Variants in PAK4 observed in about 807,000 individuals in gnomAD.
PAK4 encodes serine/threonine-protein kinase PAK 4.
PAK4 carries 49 observed loss-of-function variants against 53.5 expected under a neutral mutation model. The ratio of observed to expected loss-of-function variants is 0.92; its 90% CI spans 0.73 to 1.16. PAK4 has a LOEUF of 1.16. PAK4 is among the 50% of genes most tolerant of loss of function. PAK4 has a pLI of 0.00. For synonymous variants in PAK4, 376 were observed against 375.6 expected (o/e 1.00, Z -0.01); for missense variants, 824 against 850.7 (o/e 0.97, Z 0.39).
At chr19:39,133,062 G>A (rs1040107457) in intron 1 of PAK4, among the ~76,000 whole-genome samples, 9 of 152,196 alleles carry the variant, frequency 5.9e-5, no homozygotes, top group African/African-American at 9.7e-5. Flanking sequence ...CCTTGGCTCC[G>A]TTCTGGAGCT....
chr19:39,127,249 C>T (rs2073603519), intron 1 of PAK4, among the ~76,000 whole-genome samples: 1 of 151,970 alleles, frequency 6.6e-6, no homozygotes, highest in Non-Finnish European at 1.5e-5. Context: ...GTCACTCCCA[C>T]CTCACTTCTT....
chr19:39,173,297 G>C lies in PAK4; in HGVS notation c.584G>C (p.Ser195Thr), dbSNP rs765006110. 9 of 1,603,828 alleles carry C rather than the reference G, an allele frequency of 5.6e-6. No individual in the cohort carries two copies. The East Asian group carries it at 2.0e-4, about 36-fold the overall frequency. Residue 195 changes from serine (S) to threonine (T), a missense_variant, in exon 3 of 9, where the codon AGT becomes ACT. By Grantham distance (58) the Ser-to-Thr change is moderately conservative. Around this residue, in one of 2 missense-constraint regions of PAK4, gnomAD observed 478 missense variants for 435.8 expected, o/e 1.10. Transcript: ENST00000358301. This position sits in a 1 kb window ranked among gnomAD's most constrained non-coding sequence, Gnocchi z 6.9. ...ACCCCCCAGCCTGCTGGTCTGGCCAGTGGGGCGAAACTGGCAGCTGGCCGG... is the reference window on the plus strand; with the variant it reads ...ACCCCCCAGCCTGCTGGTCTGGCCACTGGGGCGAAACTGGCAGCTGGCCGG...
At chr19:39,144,638 A>G (rs1032266989) in intron 1 of PAK4, among the ~76,000 whole-genome samples, 1 of 152,186 alleles carries the variant, frequency 6.6e-6, no homozygotes, top group Non-Finnish European at 1.5e-5. Flanking sequence ...CTGTTGTGGC[A>G]TGAGTCCGAG....
chr19:39,174,858 G>C (rs756117611), intron 4 of PAK4, 73 bp from the exon 6 acceptor site: 3 of 1,575,184 alleles, frequency 1.9e-6, no homozygotes, highest in Non-Finnish European at 2.6e-6. Context: ...GGGAGCCAGG[G>C]GGGTGGCGGT....
At chr19:39,144,574 T>A in intron 1 of PAK4, among the ~76,000 whole-genome samples, 1 of 152,180 alleles carries the variant, frequency 6.6e-6, no homozygotes, top group East Asian at 1.9e-4. Flanking sequence ...AAGGGTTTCC[T>A]GGGGACTGGG....
rs2074547200 is a variant in PAK4 at position 39,173,977 on chromosome 19, C to G, written c.1065C>G (p.Arg355=). ...TGGCCGTCAAGAAGATGGACCTGCGCAAGCAGCAGAGGCGCGAGCTGCTCT... is the reference window on the plus strand; with the variant it reads ...TGGCCGTCAAGAAGATGGACCTGCGGAAGCAGCAGAGGCGCGAGCTGCTCT... Residue 355 remains arginine (R), a synonymous_variant, in exon 4 of 9, where the codon CGC becomes CGG. Transcript: ENST00000358301. The surrounding 1 kb of genome is among the most constrained non-coding windows in gnomAD (Gnocchi z 6.9). 1 of 1,607,620 alleles carries G rather than the reference C, an allele frequency of 6.2e-7. No individual in the cohort carries two copies. Among genetic ancestry groups the G allele is most frequent in the African/African-American group, 1.3e-5 (1 of 74,824 alleles).
In PAK4 at chr19:39,175,205, G is replaced by C; in HGVS notation, c.1233-107G>C. On this transcript the variant is annotated intron_variant, in intron 5 of 8. Transcript: ENST00000358301. The surrounding 1 kb of genome is among the most constrained non-coding windows in gnomAD (Gnocchi z 4.7). ...TCTTCCATTCCTCCCACTCCAGAGT[G>C]GGGTCGAGTGGTCTCAGATTCCTCC... 6.8e-7 allele frequency: 1 copy of C among 1,469,108 alleles called. No individual in the cohort carries two copies. The highest frequency in any genetic ancestry group is 9.2e-7 in the Non-Finnish European group (1 of 1,081,750). 91.0% of individuals were successfully genotyped at this position (1,469,108 alleles called of 1,614,324 possible).
chr19:39,181,866 TTACAGAGCCCC>T (rs2144912289), downstream of PAK4: 1 of 152,288 alleles, frequency 6.6e-6, no homozygotes, highest in South Asian at 2.1e-4. Context: ...GGAGGTGTGT[TTACAGAGCCCC>T]AAAATAAACA....
At chr19:39,169,480 A>T in intron 1 of PAK4, 52 bp from the exon 3 acceptor site, 2 of 1,290,774 alleles carry the variant, frequency 1.5e-6, no homozygotes, top group South Asian at 1.2e-5. Context: ...GGGGCAGAGG[A>T]GGAAGAGACA....
intron 1 of PAK4, chr19:39,135,353 TGAG>T: frequency 1.0e-5 from 1 of 99,656 alleles, no homozygotes; most frequent in African/African-American, 3.4e-5. Context: ...TTTTTTTTTT[TGAG>T]ATGGAGCCTT....
rs540440119 is a variant in PAK4, at chr19:39,171,405, C to T, written c.205-1513C>T. 7.9e-5 allele frequency among the ~76,000 whole-genome samples: 12 copies of T among 152,294 alleles called. No individual in the cohort carries two copies. The South Asian group carries it at 1.0e-3, about 13-fold the overall frequency. On this transcript the variant is annotated intron_variant, in intron 2 of 8. Coordinates refer to ENST00000358301, the Ensembl canonical transcript of PAK4. ...TGTATTTTTAGTAGAGACGGGTTTTCGCCATTTTGGCCAGGCTGGTCTCAA... is the reference window on the plus strand; with the variant it reads ...TGTATTTTTAGTAGAGACGGGTTTTTGCCATTTTGGCCAGGCTGGTCTCAA...
intron 2 of PAK4, among the ~76,000 whole-genome samples, chr19:39,172,346 T>C (rs1452131634): frequency 1.3e-5 from 2 of 152,180 alleles, no homozygotes. Flanking sequence ...CTGGATGCTC[T>C]GCCTGGTCCC....
At chr19:39,137,606 G>A (rs2073838924) in intron 1 of PAK4, among the ~76,000 whole-genome samples, 1 of 152,110 alleles carries the variant, frequency 6.6e-6, no homozygotes, top group Non-Finnish European at 1.5e-5. Flanking sequence ...CCAGTCAGGT[G>A]GGGCAGCTTT....
chr19:39,180,251 CCAGCGGTGCAAG>C (rs2074686455), downstream of PAK4: 2 of 152,296 alleles, frequency 1.3e-5, no homozygotes, highest in South Asian at 4.1e-4. Context: ...AGAGTGAAAC[CCAGCGGTGCAAG>C]CAGCTGTGCT....
intron 1 of PAK4, among the ~76,000 whole-genome samples, chr19:39,165,843 G>A (rs777601976): frequency 6.6e-6 from 1 of 152,254 alleles, no homozygotes; most frequent in Non-Finnish European, 1.5e-5. Context: ...TCTGCAGACA[G>A]GCCTGGAGTC....
chr19:39,149,177 G>A (rs1016701183), intron 1 of PAK4, among the ~76,000 whole-genome samples: 2 of 152,144 alleles, frequency 1.3e-5, no homozygotes, highest in African/African-American at 2.4e-5. Context: ...GCAGGGACTC[G>A]AACAGATATT....
exon 3 of PAK4, chr19:39,172,974 C>A: frequency 3.9e-6 from 6 of 1,548,448 alleles, no homozygotes; most frequent in Non-Finnish European, 5.2e-6. Context: ...TGCTGCTGGA[C>A]GAGTTTGAGA....
chr19:39,180,685 C>G (rs757385047), downstream of PAK4: 4 of 152,142 alleles, frequency 2.6e-5, no homozygotes, highest in Non-Finnish European at 5.9e-5. Context: ...ACCTCGTGAT[C>G]CACCCACCTC....
chr19:39,128,587 A>G (rs1458110654), intron 1 of PAK4, among the ~76,000 whole-genome samples: 2 of 152,180 alleles, frequency 1.3e-5, no homozygotes, highest in African/African-American at 4.8e-5. Flanking sequence ...TGCCACTTTT[A>G]TTCCTTCAAC....
Sources: allele counts gnomAD v4.1 joint callset (sites outside exome capture counted in the v4.1 genomes callset), GRCh38; gene constraint gnomAD v4.1.1; regional missense constraint gnomAD v4.1.1; non-coding constraint Gnocchi (gnomAD v3.1); transcripts MANE v1.5; gene names NCBI Gene and HGNC (gene_info 2026-07-23, HGNC 2026-07-21).